The following IL1RAPL1 variants were observed in gnomAD, a reference collection of about 807,000 sequenced individuals.
IL1RAPL1 encodes interleukin-1 receptor accessory protein-like 1.
In IL1RAPL1, 3 loss-of-function variants were observed where a neutral mutation model predicts 48.4. The ratio of observed to expected loss-of-function variants is 0.06; its 90% CI spans 0.03 to 0.16. The LOEUF (loss-of-function observed/expected upper bound fraction) is 0.16. Ranked by LOEUF, IL1RAPL1 falls within the 10% of genes least tolerant of loss-of-function variation. The probability of loss-of-function intolerance (pLI) is 1.00; values close to 1 mark genes in which losing one functional copy is unlikely to be tolerated. For synonymous variants in IL1RAPL1, 185 were observed against 187.7 expected, an observed-to-expected ratio of 0.99 and a Z score of 0.12; for missense variants, 349 against 530.6, an observed-to-expected ratio of 0.66 and a Z score of 3.36.
rs760832185 is a variant in IL1RAPL1 at position 29,208,908 on chromosome X, T to A, written c.83-74030T>A. On this transcript the variant is annotated intron_variant, in intron 2 of 10. Transcript: ENST00000378993. ...AGCCAAGCATTTTTGGCCAACTTCC[T>A]GCTTTAGGATAAAGAAGGCATCATT... Among the ~76,000 whole-genome samples, 6 of 110,150 alleles carry A rather than the reference T, an allele frequency of 5.4e-5. No individual in the cohort carries two copies. The South Asian group carries it at 2.3e-3, about 43-fold the overall frequency.
intron 6 of IL1RAPL1, among the ~76,000 whole-genome samples, chrX:29,816,208 C>T (rs943263047): frequency 1.8e-5 from 2 of 110,270 alleles, no homozygotes; most frequent in African/African-American, 6.6e-5. Flanking sequence ...AGAGAAGATC[C>T]AAGTAAGCCC....
chrX:29,054,283 C>G (rs1230786296), intron 2 of IL1RAPL1, among the ~76,000 whole-genome samples: 1 of 111,102 alleles, frequency 9.0e-6, no homozygotes, highest in Non-Finnish European at 1.9e-5. Flanking sequence ...TTGCTATTCC[C>G]TCTTTTTGAA....
intron 5 of IL1RAPL1, among the ~76,000 whole-genome samples, chrX:29,574,926 C>G (rs1922725758): frequency 8.9e-6 from 1 of 112,112 alleles, no homozygotes; most frequent in Admixed American, 9.4e-5. Flanking sequence ...TGAAGCATAA[C>G]AAGAGTGACC....
intron 6 of IL1RAPL1, among the ~76,000 whole-genome samples, chrX:29,712,069 G>GA (rs1336904336): frequency 3.0e-4 from 30 of 100,940 alleles, no homozygotes; most frequent in Admixed American, 5.8e-4. Flanking sequence ...TTTTTTTGGA[G>GA]AAAAAAATGA....
chrX:29,078,135 G>A (rs903134804), intron 2 of IL1RAPL1, among the ~76,000 whole-genome samples: 1 of 111,419 alleles, frequency 9.0e-6, no homozygotes, highest in Non-Finnish European at 1.9e-5. Context: ...AGCCCAGTGT[G>A]GTAGCGCACG....
At chrX:28,831,048 G>A (rs865803776) in intron 2 of IL1RAPL1, among the ~76,000 whole-genome samples, 1 of 83,544 alleles carries the variant, frequency 1.2e-5, no homozygotes. Context: ...GTGTGTGTGT[G>A]TGTGTGTGTG....
At position 29,032,743 on chromosome X, in the gene IL1RAPL1, G is replaced by GCA. The variant is rs34159057; in HGVS notation, c.82+243345_82+243346dup. Among the ~76,000 whole-genome samples the GCA allele has an allele frequency of 6.9e-3, 733 of 105,601 alleles. 6 individuals are homozygous for GCA. Among genetic ancestry groups the GCA allele is most frequent in the African/African-American group, 0.015 (432 of 29,162 alleles). 91.7% of individuals were successfully genotyped at this position (105,601 alleles called of 115,157 possible). On this transcript the variant is annotated intron_variant, in intron 2 of 10. Coordinates refer to ENST00000378993, the MANE Select transcript of IL1RAPL1 (RefSeq NM_014271.4). ...CATGAGCGTGCGCTCACGTGGGCAT[G>GCA]CACACACACACACACACACACACAC...
At chrX:28,724,897 T>C (rs1054572780) in intron 1 of IL1RAPL1, among the ~76,000 whole-genome samples, 1 of 110,072 alleles carries the variant, frequency 9.1e-6, no homozygotes, top group Non-Finnish European at 1.9e-5. Context: ...AGCATATCTT[T>C]CTGACTTTCT....
chrX:29,588,949 A>G (rs1923277275), intron 5 of IL1RAPL1, among the ~76,000 whole-genome samples: 1 of 111,996 alleles, frequency 8.9e-6, no homozygotes, highest in South Asian at 3.8e-4. Context: ...CCTACGAGAC[A>G]GGTACACTGA....
At chrX:29,405,401 C>A (rs1173469766) in intron 5 of IL1RAPL1, among the ~76,000 whole-genome samples, 1 of 97,671 alleles carries the variant, frequency 1.0e-5, no homozygotes, top group East Asian at 2.9e-4. Context: ...GAGTCTCGCT[C>A]TGTCGCCCAG....
intron 1 of IL1RAPL1, among the ~76,000 whole-genome samples, chrX:28,780,320 A>T (rs867850908): frequency 3.6e-5 from 3 of 82,659 alleles, no homozygotes; most frequent in Admixed American, 1.4e-4. Flanking sequence ...TTTCAATCAC[A>T]GTGTGTGTGT....
At chrX:29,480,600 A>G (rs1446309244) in intron 5 of IL1RAPL1, among the ~76,000 whole-genome samples, 2 of 110,857 alleles carry the variant, frequency 1.8e-5, no homozygotes, top group Admixed American at 9.6e-5. Context: ...ACTTTTCAGA[A>G]CTGCCTATTT....
At chrX:28,867,745 T>G (rs1447009945) in intron 2 of IL1RAPL1, among the ~76,000 whole-genome samples, 3 of 110,825 alleles carry the variant, frequency 2.7e-5, no homozygotes, top group Admixed American at 9.7e-5. Context: ...ATACTTTGGG[T>G]TTTTTTTCAG....
chrX:29,847,063 G>C (rs1444306252), intron 6 of IL1RAPL1, among the ~76,000 whole-genome samples: 1 of 110,719 alleles, frequency 9.0e-6, no homozygotes, highest in Non-Finnish European at 1.9e-5. Context: ...AAATCCTAAG[G>C]GTTACTAAAA....
At chrX:28,868,402 CT>C (rs112734293) in intron 2 of IL1RAPL1, among the ~76,000 whole-genome samples, 8 of 110,533 alleles carry the variant, frequency 7.2e-5, no homozygotes, top group African/African-American at 2.0e-4. Context: ...TTAGTTTATA[CT>C]TTTTTTTTAA....
At chrX:29,653,901 C>CTTATTTAT (rs535604223) in intron 5 of IL1RAPL1, among the ~76,000 whole-genome samples, 5,992 of 93,385 alleles carry the variant, frequency 0.064, 227 homozygotes, top group Middle Eastern at 0.09. Context: ...AATTAGGGCT[C>CTTATTTAT]TTATTTATTT....
At chrX:29,198,235 A>G (rs1180395221) in intron 2 of IL1RAPL1, among the ~76,000 whole-genome samples, 1 of 111,635 alleles carries the variant, frequency 9.0e-6, no homozygotes, top group African/African-American at 3.3e-5. Context: ...CACTGCAGAA[A>G]TAAAGAACAA....
chrX:29,720,542 G>A (rs1276244011), intron 6 of IL1RAPL1, among the ~76,000 whole-genome samples: 4 of 110,965 alleles, frequency 3.6e-5, no homozygotes, highest in African/African-American at 9.8e-5. Flanking sequence ...TCATAAGTGG[G>A]AGTTGAACAA....
intron 5 of IL1RAPL1, among the ~76,000 whole-genome samples, chrX:29,529,633 A>G (rs1036818453): frequency 2.5e-5 from 2 of 79,236 alleles, no homozygotes; most frequent in East Asian, 1.2e-3. Flanking sequence ...ACAACAAAGA[A>G]AATATTCTAT....
Sources: allele counts gnomAD v4.1 joint callset (sites outside exome capture counted in the v4.1 genomes callset), GRCh38; gene constraint gnomAD v4.1.1; transcripts MANE v1.5; gene names NCBI Gene and HGNC (gene_info 2026-07-23, HGNC 2026-07-21).